RARB: variants seen among roughly 807,000 people sequenced by gnomAD.
RARB encodes the protein retinoic acid receptor beta.
RARB carries 17 observed loss-of-function variants against 51.9 expected under a neutral mutation model. The observed-to-expected ratio is 0.33, with a 90% CI of 0.22 to 0.49. The LOEUF is 0.49. Ranked by LOEUF, RARB falls within the 20% of genes least tolerant of loss-of-function variation. The pLI, the probability that RARB is intolerant of heterozygous loss-of-function variation, is 0.99. For synonymous variants in RARB, 215 were observed against 195.4 expected (o/e 1.10, Z -0.84); for missense variants, 369 against 550.8 (o/e 0.67, Z 3.30).
intron 2 of RARB, among the ~76,000 whole-genome samples, chr3:24,923,039 C>G (rs962795123): frequency 6.6e-6 from 1 of 152,122 alleles, no homozygotes; most frequent in Non-Finnish European, 1.5e-5. Flanking sequence ...AAAATGATGA[C>G]TTGCAGCAGG....
At chr3:25,274,242 T>G (rs528803537) in intron 5 of RARB, among the ~76,000 whole-genome samples, 4 of 152,352 alleles carry the variant, frequency 2.6e-5, no homozygotes, top group African/African-American at 9.6e-5. Context: ...ATACATTTTG[T>G]TTTTCATACT....
intron 5 of RARB, among the ~76,000 whole-genome samples, chr3:25,209,684 C>T (rs1701644366): frequency 1.3e-5 from 2 of 152,144 alleles, no homozygotes; most frequent in Non-Finnish European, 2.9e-5. Context: ...TATGTCTCTC[C>T]TCCATCCCTA....
At chr3:24,898,242 T>G (rs994310892) in intron 2 of RARB, among the ~76,000 whole-genome samples, 1 of 151,876 alleles carries the variant, frequency 6.6e-6, no homozygotes, top group African/African-American at 2.4e-5. Context: ...CTGGATAGTT[T>G]TGAGCAAGAA....
chr3:25,138,641 A>G (rs1287806656), intron 4 of RARB, among the ~76,000 whole-genome samples: 1 of 152,166 alleles, frequency 6.6e-6, no homozygotes, highest in Admixed American at 6.6e-5. Context: ...TGTTTATTAC[A>G]GTTATCAGTT....
At chr3:25,336,063 G>T (rs1413192899) in intron 5 of RARB, among the ~76,000 whole-genome samples, 1 of 149,498 alleles carries the variant, frequency 6.7e-6, no homozygotes, top group Non-Finnish European at 1.5e-5. Flanking sequence ...ACCCCCACTG[G>T]GGAGGGAAAA....
intron 4 of RARB, among the ~76,000 whole-genome samples, chr3:25,134,960 C>G (rs1244301899): frequency 6.6e-6 from 1 of 151,858 alleles, no homozygotes; most frequent in Non-Finnish European, 1.5e-5. Context: ...AGATTAAACG[C>G]TACTTATGAT....
At chr3:25,570,337 G>A (rs80141435) in intron 4 of RARB, among the ~76,000 whole-genome samples, 1,999 of 152,282 alleles carry the variant, frequency 0.013, 44 homozygotes, top group African/African-American at 0.043. Context: ...GGACCCAGGG[G>A]GACGGGGCCT....
intron 2 of RARB, among the ~76,000 whole-genome samples, chr3:24,994,160 A>G (rs1696973112): frequency 6.6e-6 from 1 of 152,080 alleles, no homozygotes. Context: ...CATCCTCACC[A>G]GCATTTGTTA....
intron 5 of RARB, among the ~76,000 whole-genome samples, chr3:25,291,688 T>C (rs1703792159): frequency 1.3e-5 from 2 of 152,138 alleles, no homozygotes; most frequent in Non-Finnish European, 2.9e-5. Context: ...CATGCTTCTT[T>C]AGAAAATCCA....
chr3:24,900,264 T>C (rs1049252664), intron 2 of RARB, among the ~76,000 whole-genome samples: 2 of 150,672 alleles, frequency 1.3e-5, no homozygotes, highest in African/African-American at 5.0e-5. Context: ...GTCAGAAGTC[T>C]GAAGGAATTG....
At chr3:24,918,917 A>G (rs527821173) in intron 2 of RARB, among the ~76,000 whole-genome samples, 108 of 152,222 alleles carry the variant, frequency 7.1e-4, no homozygotes, top group African/African-American at 2.5e-3. Context: ...TAAATAAATA[A>G]AAAACTTAGA....
intron 2 of RARB, among the ~76,000 whole-genome samples, chr3:24,892,777 C>T (rs1179298823): frequency 6.6e-6 from 1 of 152,184 alleles, no homozygotes. Flanking sequence ...TATACTATTA[C>T]AAGAAATGCG....
At chr3:25,027,119 C>T (rs1011861154) in intron 2 of RARB, among the ~76,000 whole-genome samples, 1 of 152,088 alleles carries the variant, frequency 6.6e-6, no homozygotes, top group Non-Finnish European at 1.5e-5. Context: ...AGAATTCTGC[C>T]ATTAGGAATG....
intron 2 of RARB, among the ~76,000 whole-genome samples, chr3:24,913,059 C>A (rs1389039396): frequency 3.5e-5 from 5 of 142,480 alleles, no homozygotes; most frequent in African/African-American, 5.2e-5. Context: ...CGGCTCACTG[C>A]AAGCTCCGCC....
intron 5 of RARB, among the ~76,000 whole-genome samples, chr3:25,275,530 C>G (rs1354736074): frequency 6.6e-6 from 1 of 152,154 alleles, no homozygotes. Context: ...CGGAAGCTAC[C>G]CCTTTGTACT....
At chr3:25,587,849 C>G (rs1395827853) in intron 5 of RARB, among the ~76,000 whole-genome samples, 1 of 152,162 alleles carries the variant, frequency 6.6e-6, no homozygotes, top group Non-Finnish European at 1.5e-5. Flanking sequence ...GTAGAGTGAC[C>G]AAGATGGTTG....
At chr3:25,149,229 C>T (rs925618994) in intron 4 of RARB, among the ~76,000 whole-genome samples, 3 of 152,126 alleles carry the variant, frequency 2.0e-5, no homozygotes, top group Non-Finnish European at 2.9e-5. Flanking sequence ...ATTAATCTTC[C>T]ATAGGAATGG....
At chr3:25,435,406 A>G (rs1708392173) in intron 1 of RARB, among the ~76,000 whole-genome samples, 1 of 152,202 alleles carries the variant, frequency 6.6e-6, no homozygotes. Context: ...TGTCTTCTCA[A>G]AAATATTAAA....
At chr3:25,515,797 G>A (rs1402869743) in intron 3 of RARB, among the ~76,000 whole-genome samples, 1 of 152,136 alleles carries the variant, frequency 6.6e-6, no homozygotes, top group Non-Finnish European at 1.5e-5. Flanking sequence ...ATCCCTGTGG[G>A]GTGCTGGACA....
Sources: gnomAD v4.1 joint callset for allele counts (sites outside exome capture counted in the v4.1 genomes callset) on GRCh38, gnomAD v4.1.1 for gene constraint, MANE v1.5 for transcripts, NCBI Gene and HGNC (gene_info 2026-07-23, HGNC 2026-07-21) for gene names.